Variants in SMURF2 observed in about 807,000 individuals in gnomAD.
The protein encoded by SMURF2 is E3 ubiquitin-protein ligase SMURF2.
In SMURF2, 48 loss-of-function variants were observed where a neutral mutation model predicts 109.6. That is an observed-to-expected ratio of 0.44 (90% CI 0.35 to 0.56). The LOEUF (loss-of-function observed/expected upper bound fraction) is 0.56, where lower values mean the gene tolerates loss of function less well. SMURF2 is among the 20% of genes least tolerant of loss of function. The pLI, the probability that SMURF2 is intolerant of heterozygous loss-of-function variation, is 0.01. For synonymous variants in SMURF2, 288 were observed against 317.1 expected, an observed-to-expected ratio of 0.91 and a Z score of 0.97; for missense variants, 575 against 909.0, an observed-to-expected ratio of 0.63 and a Z score of 4.72.
At chr17:64,646,350 G>T (rs1970558777) in intron 1 of SMURF2, among the ~76,000 whole-genome samples, 1 of 150,346 alleles carries the variant, frequency 6.7e-6, no homozygotes, top group Non-Finnish European at 1.5e-5. Flanking sequence ...ATAGGCATGA[G>T]CCACTGGAAT....
At chr17:64,649,369 A>G (rs1241950015) in intron 1 of SMURF2, among the ~76,000 whole-genome samples, 1 of 152,118 alleles carries the variant, frequency 6.6e-6, no homozygotes, top group Non-Finnish European at 1.5e-5. Context: ...GGAATTTATC[A>G]AGTCATAAAG....
Position 64,581,056 on chromosome 17 carries a change from AAT to A in SMURF2, c.570-67_570-66del. The stretch of plus-strand genomic sequence containing the variant: ...ATATCAAAAGTAGAGTTCTCTAGAC[AAT>A]ATATATATACTGCAGTAACAACCAC... On this transcript the variant is annotated intron_variant, in intron 7 of 18. Coordinates refer to ENST00000262435, the MANE Select transcript of SMURF2 (RefSeq NM_022739.4). This position sits in a 1 kb window ranked among gnomAD's most constrained non-coding sequence, Gnocchi z 4.3. The A allele has an allele frequency of 2.4e-5, 33 of 1,397,124 alleles. No individual in the cohort carries two copies. The highest frequency in any genetic ancestry group is 2.8e-5 in the African/African-American group (2 of 70,346). The allele number at this position is 1,397,124 out of a possible 1,614,324, so 86.5% of individuals were successfully genotyped here.
chr17:64,589,970 T>C (rs1280756436), intron 5 of SMURF2, among the ~76,000 whole-genome samples: 5 of 151,838 alleles, frequency 3.3e-5, no homozygotes, highest in Non-Finnish European at 1.5e-5. Flanking sequence ...ATAACCACAA[T>C]AGGGCTTTGC....
chr17:64,588,902 C>T (rs1322544531), intron 5 of SMURF2, among the ~76,000 whole-genome samples: 8 of 152,128 alleles, frequency 5.3e-5, no homozygotes, highest in African/African-American at 1.7e-4. Flanking sequence ...GGATTACAGA[C>T]GTGAGCCACT....
chr17:64,571,754 C>T (rs1969402021), intron 10 of SMURF2, 44 bp downstream of exon 10: 1 of 1,555,752 alleles, frequency 6.4e-7, no homozygotes, highest in African/African-American at 1.4e-5. Flanking sequence ...TGCGTTTCAT[C>T]ATGTTTAACT....
intron 10 of SMURF2, among the ~76,000 whole-genome samples, chr17:64,566,002 G>A (rs1969295111): frequency 6.6e-6 from 1 of 151,740 alleles, no homozygotes; most frequent in African/African-American, 2.4e-5. Flanking sequence ...ATTTCCAAGA[G>A]AGAAAAACAA....
intron 3 of SMURF2, among the ~76,000 whole-genome samples, chr17:64,596,682 C>T (rs1598287270): frequency 6.6e-6 from 1 of 150,972 alleles, no homozygotes; most frequent in Non-Finnish European, 1.5e-5. Flanking sequence ...AGGACAACTG[C>T]GCAGTGGGTC....
intron 10 of SMURF2, among the ~76,000 whole-genome samples, chr17:64,565,050 T>C (rs1969280342): frequency 6.6e-6 from 1 of 152,208 alleles, no homozygotes; most frequent in Non-Finnish European, 1.5e-5. Context: ...ATTCAGTTTA[T>C]TGTATGTCAA....
chr17:64,625,876 A>G (rs1018551682), intron 1 of SMURF2, among the ~76,000 whole-genome samples: 3 of 152,132 alleles, frequency 2.0e-5, no homozygotes, highest in Admixed American at 6.5e-5. Flanking sequence ...AATTTAAGAA[A>G]AACTATGTAC....
At chr17:64,657,392 C>A (rs1184167737) in intron 1 of SMURF2, among the ~76,000 whole-genome samples, 1 of 151,884 alleles carries the variant, frequency 6.6e-6, no homozygotes, top group African/African-American at 2.4e-5. Flanking sequence ...AAGACTCTCA[C>A]CAAAAAAGGC....
Position 64,660,273 on chromosome 17 carries a change from CACATG to C in SMURF2, c.52+1551_52+1555del, listed in dbSNP as rs544666290. ...CTGATGCTTTCTGCACACCTGGGATCACATGTTCTTTCCACGATCACTGACTACAG... is the reference window on the plus strand; with the variant it reads ...CTGATGCTTTCTGCACACCTGGGATCTTCTTTCCACGATCACTGACTACAG... On this transcript the variant is annotated intron_variant, in intron 1 of 18. Coordinates refer to ENST00000262435, the MANE Select transcript of SMURF2 (RefSeq NM_022739.4). Among the ~76,000 whole-genome samples the C allele has an allele frequency of 1.4e-4, 21 of 152,268 alleles. 1 individual carries two copies. Among genetic ancestry groups the C allele is most frequent in the African/African-American group, 5.1e-4 (21 of 41,550 alleles).
At chr17:64,623,202 A>C (rs1438634414) in intron 1 of SMURF2, among the ~76,000 whole-genome samples, 1 of 152,186 alleles carries the variant, frequency 6.6e-6, no homozygotes, top group African/African-American at 2.4e-5. Flanking sequence ...ACATCCATAA[A>C]GACCCAAAAT....
At chr17:64,643,702 C>T (rs544910185) in intron 1 of SMURF2, among the ~76,000 whole-genome samples, 4 of 152,226 alleles carry the variant, frequency 2.6e-5, no homozygotes, top group African/African-American at 4.8e-5. Context: ...TGCTTCATTA[C>T]ACTCTTTGAC....
chr17:64,626,698 G>A (rs1303880574), intron 1 of SMURF2, among the ~76,000 whole-genome samples: 2 of 152,064 alleles, frequency 1.3e-5, no homozygotes, highest in African/African-American at 4.8e-5. Context: ...AAGAGGCAGA[G>A]GTTGCAGTGA....
chr17:64,562,635 C>T (rs1184657429), intron 11 of SMURF2, 136 bp downstream of exon 11: 2 of 776,716 alleles, frequency 2.6e-6, no homozygotes, highest in Non-Finnish European at 4.0e-6. Flanking sequence ...ACCTCAGCCT[C>T]CCAAAGTGCT....
intron 1 of SMURF2, among the ~76,000 whole-genome samples, chr17:64,631,281 GGAGAGA>G (rs1468147317): frequency 1.8e-3 from 8 of 4,406 alleles, no homozygotes; most frequent in African/African-American, 4.3e-3. Context: ...AGGGGGGGGG[GGAGAGA>G]GAGAGAGAGA....
At chr17:64,562,143 A>G (rs1263918326) in intron 11 of SMURF2, among the ~76,000 whole-genome samples, 1 of 151,366 alleles carries the variant, frequency 6.6e-6, no homozygotes, top group African/African-American at 2.4e-5. Context: ...AAATACAAAA[A>G]TTAGCTGAGC....
At chr17:64,553,305 G>A (rs903579786) in intron 15 of SMURF2, among the ~76,000 whole-genome samples, 7 of 151,914 alleles carry the variant, frequency 4.6e-5, no homozygotes, top group African/African-American at 1.7e-4. Flanking sequence ...AGGAGTTTGA[G>A]ACCAGCCTGG....
In SMURF2 at chr17:64,661,987, TCGGCCGCCA is replaced by T; in HGVS notation, c.-116_-108del. ...GGCTGGGGCCCGAGCAGCCGGCGCC[TCGGCCGCCA>T]CGGCCGGAGGGTCCCGGATGTGCCG... On this transcript the variant is annotated 5_prime_UTR_variant, in exon 1 of 19. Transcript: ENST00000262435. The T allele has an allele frequency of 1.8e-6, 2 of 1,104,824 alleles. No homozygotes were observed. The highest frequency in any genetic ancestry group is 2.2e-6 in the Non-Finnish European group (2 of 907,774). 68.4% of individuals were successfully genotyped at this position (1,104,824 alleles called of 1,614,324 possible). A position where few individuals can be genotyped will look rare whatever the true frequency, so the allele number is the denominator to read the frequency against.
Sources: allele counts gnomAD v4.1 joint callset (sites outside exome capture counted in the v4.1 genomes callset), GRCh38; gene constraint gnomAD v4.1.1; non-coding constraint Gnocchi (gnomAD v3.1); transcripts MANE v1.5; gene names NCBI Gene and HGNC (gene_info 2026-07-23, HGNC 2026-07-21).